RPS6KC1: variants seen among roughly 807,000 people sequenced by gnomAD.
RPS6KC1 encodes inactive ribosomal protein S6 kinase delta-1.
RPS6KC1 carries 54 observed loss-of-function variants against 103.8 expected under a neutral mutation model. That is an observed-to-expected ratio of 0.52 (90% CI 0.42 to 0.65). The LOEUF is 0.65. Among genes scored for constraint, RPS6KC1 ranks in the 30% least tolerant of loss-of-function variants. RPS6KC1 has a pLI of 0.00. For missense variants in RPS6KC1, 1,151 were observed against 1,253.8 expected (o/e 0.92, Z 1.24); for synonymous variants, 439 against 438.7 (o/e 1.00, Z -0.01).
the RPS6KC1 span, among the ~76,000 whole-genome samples, chr1:213,385,234 A>G: frequency 6.6e-6 from 1 of 152,200 alleles, no homozygotes; most frequent in South Asian, 2.1e-4. Context: ...TGTGGCAGCA[A>G]ATTGGGCACA....
At chr1:213,807,712 C>T in the RPS6KC1 span, among the ~76,000 whole-genome samples, 2 of 152,012 alleles carry the variant, frequency 1.3e-5, no homozygotes, top group South Asian at 2.1e-4. Context: ...AACTTCTTTG[C>T]CTTTGGTTTG....
chr1:213,398,738 G>T, the RPS6KC1 span, among the ~76,000 whole-genome samples: 1 of 151,798 alleles, frequency 6.6e-6, no homozygotes, highest in African/African-American at 2.4e-5. Flanking sequence ...TTCACCCTTG[G>T]CTTTATCCTA....
chr1:213,122,349 G>A (rs1484102223), intron 5 of RPS6KC1, among the ~76,000 whole-genome samples: 1 of 151,898 alleles, frequency 6.6e-6, no homozygotes, highest in Admixed American at 6.6e-5. Flanking sequence ...AATTGGAAAG[G>A]TGTATAGTTA....
the RPS6KC1 span, among the ~76,000 whole-genome samples, chr1:213,334,569 A>G: frequency 6.6e-6 from 1 of 152,184 alleles, no homozygotes; most frequent in African/African-American, 2.4e-5. Context: ...GGAAAGAGAG[A>G]AGTCTTAACC....
chr1:213,534,889 T>C, the RPS6KC1 span, among the ~76,000 whole-genome samples: 1 of 152,104 alleles, frequency 6.6e-6, no homozygotes, highest in Non-Finnish European at 1.5e-5. Flanking sequence ...CTGGTAACAT[T>C]CTCCTCTTCC....
At chr1:213,780,737 G>C in the RPS6KC1 span, among the ~76,000 whole-genome samples, 2 of 152,138 alleles carry the variant, frequency 1.3e-5, no homozygotes, top group Admixed American at 6.6e-5. Context: ...AATCTAGGAA[G>C]TGACAGCAGG....
chr1:213,604,635 C>G, the RPS6KC1 span, among the ~76,000 whole-genome samples: 1 of 152,190 alleles, frequency 6.6e-6, no homozygotes, highest in African/African-American at 2.4e-5. Context: ...TCTCTGTTGC[C>G]AGACCTGCAA....
Position 213,155,622 on chromosome 1 carries a change from A to G in RPS6KC1, c.836-12236A>G, listed in dbSNP as rs559280884. ...GACACTCTCTGCACCATGCTCCAGT[A>G]GGAGCTGGGGTGCAGGGGGTGACGT... On this transcript the variant is annotated intron_variant, in intron 6 of 14. Transcript: ENST00000366960. Among the ~76,000 whole-genome samples the G allele has an allele frequency of 4.6e-5, 7 of 152,274 alleles. No individual in the cohort carries two copies. In the South Asian group the frequency reaches 8.3e-4, roughly 18 times the overall value.
the RPS6KC1 span, among the ~76,000 whole-genome samples, chr1:213,651,324 G>A: frequency 6.6e-6 from 1 of 152,202 alleles, no homozygotes; most frequent in Non-Finnish European, 1.5e-5. Context: ...GAGAGGAGAT[G>A]TGGTCCCTAG....
At chr1:213,426,867 G>A in the RPS6KC1 span, among the ~76,000 whole-genome samples, 471 of 152,212 alleles carry the variant, frequency 3.1e-3, 1 homozygote, top group African/African-American at 0.011. Flanking sequence ...TATCATCTAG[G>A]AAAACATAAA....
chr1:213,420,215 C>A, the RPS6KC1 span, among the ~76,000 whole-genome samples: 71 of 152,310 alleles, frequency 4.7e-4, no homozygotes, highest in South Asian at 1.2e-3. Context: ...CTGGGCAGCT[C>A]GGCCCCTGCT....
At chr1:213,754,597 A>G in the RPS6KC1 span, among the ~76,000 whole-genome samples, 1 of 152,204 alleles carries the variant, frequency 6.6e-6, no homozygotes, top group Non-Finnish European at 1.5e-5. Context: ...CCTGCCACGT[A>G]AGAAGGCTAT....
the RPS6KC1 span, among the ~76,000 whole-genome samples, chr1:213,306,514 C>T: frequency 6.6e-6 from 1 of 152,156 alleles, no homozygotes; most frequent in African/African-American, 2.4e-5. Context: ...ATGGTGAAAA[C>T]AATTGCATCA....
At chr1:213,399,069 TGTTTAGCTACAA>T in the RPS6KC1 span, among the ~76,000 whole-genome samples, 2 of 152,332 alleles carry the variant, frequency 1.3e-5, no homozygotes, top group Middle Eastern at 6.8e-3. Context: ...TTAACAGGAC[TGTTTAGCTACAA>T]AATTATAGAG....
At chr1:213,569,277 G>A in the RPS6KC1 span, among the ~76,000 whole-genome samples, 1,023 of 152,198 alleles carry the variant, frequency 6.7e-3, 10 homozygotes, top group African/African-American at 0.02. Flanking sequence ...TCATGTTTCC[G>A]CTTGCTCATT....
intron 4 of RPS6KC1, among the ~76,000 whole-genome samples, chr1:213,113,174 C>G (rs1423005821): frequency 6.6e-6 from 1 of 151,906 alleles, no homozygotes; most frequent in Non-Finnish European, 1.5e-5. Flanking sequence ...TTTACAGTCC[C>G]ACCAACAGTG....
At chr1:213,856,062 C>T in the RPS6KC1 span, among the ~76,000 whole-genome samples, 1 of 152,196 alleles carries the variant, frequency 6.6e-6, no homozygotes, top group South Asian at 2.1e-4. Context: ...ACTCCCTCTC[C>T]CAGACTTAAG....
chr1:213,859,842 C>T, the RPS6KC1 span, among the ~76,000 whole-genome samples: 1 of 152,206 alleles, frequency 6.6e-6, no homozygotes, highest in Admixed American at 6.5e-5. Context: ...CGGAAAACTC[C>T]ATATTTTTAA....
At chr1:213,860,879 G>A in the RPS6KC1 span, among the ~76,000 whole-genome samples, 2 of 151,184 alleles carry the variant, frequency 1.3e-5, no homozygotes, top group South Asian at 2.1e-4. Context: ...TTCGATCTTC[G>A]CTCACTGCAA....
Sources: gnomAD v4.1 joint callset for allele counts (sites outside exome capture counted in the v4.1 genomes callset) on GRCh38, gnomAD v4.1.1 for gene constraint, MANE v1.5 for transcripts, NCBI Gene and HGNC (gene_info 2026-07-23, HGNC 2026-07-21) for gene names.